The following MRPS14 variants were observed in gnomAD, a reference collection of about 807,000 sequenced individuals.
MRPS14 encodes small ribosomal subunit protein uS14m.
A neutral mutation model predicts 16.4 loss-of-function variants in MRPS14; 14 were observed. That is an observed-to-expected ratio of 0.85 (90% CI 0.56 to 1.33). MRPS14 has a LOEUF of 1.33. Among genes scored for constraint, MRPS14 ranks in the 40% most tolerant of loss-of-function variants. The pLI, the probability that MRPS14 is intolerant of heterozygous loss-of-function variation, is 0.00. For synonymous variants in MRPS14, 54 were observed against 61.9 expected (o/e 0.87, Z 0.60); for missense variants, 162 against 176.8 (o/e 0.92, Z 0.48).
In MRPS14 at chr1:175,014,947, T is replaced by C. The variant is rs970385744; in HGVS notation, c.205-96A>G. 2.7e-5 allele frequency: 35 copies of C among 1,301,192 alleles called. No individual in the cohort carries two copies. The African/African-American group carries it at 4.6e-4, about 17-fold the overall frequency. The allele number at this position is 1,301,192 out of a possible 1,614,324, so 80.6% of individuals were successfully genotyped here. A position where few individuals can be genotyped will look rare whatever the true frequency, so the allele number is the denominator to read the frequency against. The stretch of plus-strand genomic sequence containing the variant: ...CAGGTAATTTTCTTTTCTTTTTTTT[T>C]TTTTTTTGAGACAGAGTCTCGCTCT... On this transcript the variant is annotated intron_variant, in intron 2 of 2. Coordinates refer to ENST00000476371, the MANE Select transcript of MRPS14 (RefSeq NM_022100.3).
At chr1:175,019,184 G>A (rs905619376) in intron 1 of MRPS14, among the ~76,000 whole-genome samples, 1 of 152,112 alleles carries the variant, frequency 6.6e-6, no homozygotes, top group Non-Finnish European at 1.5e-5. Context: ...TTGCTGGACA[G>A]ATCTCACTAT....
chr1:175,022,381 C>T (rs964581393), intron 1 of MRPS14: 8 of 151,076 alleles, frequency 5.3e-5, no homozygotes, highest in Non-Finnish European at 1.2e-4. Flanking sequence ...AACACTGCTA[C>T]AGATTAACTG....
intron 1 of MRPS14, chr1:175,022,666 C>T (rs1673000812): frequency 6.6e-6 from 1 of 152,060 alleles, no homozygotes; most frequent in Non-Finnish European, 1.5e-5. Flanking sequence ...GGATCTTTCC[C>T]TTTCATACAC....
Position 175,019,320 on chromosome 1 carries a change from C to A in MRPS14, c.46-744G>T, listed in dbSNP as rs182171765. Among the ~76,000 whole-genome samples, 421 of 152,230 alleles carry A rather than the reference C, an allele frequency of 2.8e-3. 3 individuals carry two copies. Among genetic ancestry groups the A allele is most frequent in the African/African-American group, 9.7e-3 (404 of 41,534 alleles). ...TTTTTGAGATGGAATCTAGCTCTGT[C>A]ACCCAGGGTGGAGTGCAGTGGCGCA... On this transcript the variant is annotated intron_variant, in intron 1 of 2. Transcript: ENST00000476371.
rs1029361141 is a variant in MRPS14 at position 175,013,007 on chromosome 1, A to G, written c.*1662T>C. On this transcript the variant is annotated 3_prime_UTR_variant, in exon 3 of 3. Coordinates refer to ENST00000476371, the MANE Select transcript of MRPS14 (RefSeq NM_022100.3). ...TTTTGGAAGTACACAAAATGTTCAA[A>G]CTATAGCATGTATATATATCAAGTT... 6.6e-6 allele frequency: 1 copy of G among 152,008 alleles called. No individual in the cohort carries two copies. Among genetic ancestry groups the G allele is most frequent in the African/African-American group, 2.4e-5 (1 of 41,258 alleles). 9.4% of individuals were successfully genotyped at this position (152,008 alleles called of 1,614,324 possible).
rs139740051 is a variant in MRPS14, at chr1:175,015,435, T to C, written c.205-584A>G. On this transcript the variant is annotated intron_variant, in intron 2 of 2. Coordinates refer to ENST00000476371, the MANE Select transcript of MRPS14 (RefSeq NM_022100.3). ...TTTTGAATCACGAAAGTGAAACCTC[T>C]GGAATGATGATCAAATAGGAGGGAA... Among the ~76,000 whole-genome samples the C allele has an allele frequency of 3.9e-4, 60 of 152,286 alleles. No individual in the cohort carries two copies. In the Middle Eastern group the frequency reaches 0.01, roughly 26 times the overall value.
Position 175,014,801 on chromosome 1 carries a change from A to G in MRPS14, c.255T>C (p.Val85=), listed in dbSNP as rs894014169. The change falls in exon 3 of 3, where the codon GTT becomes GTC. Residue 85 remains valine, a synonymous_variant. Transcript: ENST00000476371. The part of the protein sequence containing the change: ...IAALPRDSCP[V]RIRNRCVMTS... The stretch of plus-strand genomic sequence containing the variant: ...TCATAACACACCGATTTCTGATTCT[A>G]ACAGGACAGCTATCCCGGGGGAGGG... 1.2e-5 allele frequency: 20 copies of G among 1,614,152 alleles called. No homozygotes were observed. Among genetic ancestry groups the G allele is most frequent in the Non-Finnish European group, 1.7e-5 (20 of 1,180,016 alleles).
chr1:175,023,334 T>C (rs754076934), intron 1 of MRPS14, 30 bp downstream of exon 1: 2 of 1,612,062 alleles, frequency 1.2e-6, no homozygotes, highest in South Asian at 1.1e-5. Context: ...CGGTGAGGGG[T>C]AGCGGTGTGG....
At position 175,013,083 on chromosome 1, in the gene MRPS14, T is replaced by TG. The variant is rs1198688207; in HGVS notation, c.*1585dup. The TG allele has an allele frequency of 1.3e-5, 2 of 152,244 alleles. No individual in the cohort carries two copies. The highest frequency in any genetic ancestry group is 2.9e-5 in the Non-Finnish European group (2 of 68,058). 9.4% of individuals were successfully genotyped at this position (152,244 alleles called of 1,614,324 possible). A position where few individuals can be genotyped will look rare whatever the true frequency, so the allele number is the denominator to read the frequency against. The stretch of plus-strand genomic sequence containing the variant: ...CTTTAGAACACAAGTGTTTGCCCAT[T>TG]GGTAGTGAGATGGATTCTAAGTTGA... On this transcript the variant is annotated 3_prime_UTR_variant, in exon 3 of 3. Coordinates refer to ENST00000476371, the MANE Select transcript of MRPS14 (RefSeq NM_022100.3).
At chr1:175,015,186 C>G (rs1228773966) in intron 2 of MRPS14, among the ~76,000 whole-genome samples, 2 of 152,006 alleles carry the variant, frequency 1.3e-5, no homozygotes, top group Non-Finnish European at 1.5e-5. Context: ...TGAGCTCTGG[C>G]AATCCGCCCA....
chr1:175,019,921 T>TA (rs1672947500), intron 1 of MRPS14, among the ~76,000 whole-genome samples: 1 of 152,134 alleles, frequency 6.6e-6, no homozygotes, highest in South Asian at 2.1e-4. Context: ...AAGAATACTA[T>TA]AAATAGAAAG....
At chr1:175,018,303 G>C in intron 2 of MRPS14, 115 bp downstream of exon 2, 1 of 1,030,380 alleles carries the variant, frequency 9.7e-7, no homozygotes, top group Non-Finnish European at 1.4e-6. Context: ...TATTGATGTG[G>C]ATCTTATTCT....
chr1:175,014,257 G>C lies in MRPS14; in HGVS notation c.*412C>G. ...AAGGGGAGCTCTGCAGGTCAGCAAAGCTAGTCCAGGATTACAAACTGCCAT... is the reference window on the plus strand; with the variant it reads ...AAGGGGAGCTCTGCAGGTCAGCAAACCTAGTCCAGGATTACAAACTGCCAT... On this transcript the variant is annotated 3_prime_UTR_variant, in exon 3 of 3. Coordinates refer to ENST00000476371, the MANE Select transcript of MRPS14 (RefSeq NM_022100.3). 3.6e-6 allele frequency: 1 copy of C among 277,816 alleles called. No individual in the cohort carries two copies. The highest frequency in any genetic ancestry group is 6.3e-5 in the East Asian group (1 of 15,972). The allele number at this position is 277,816 out of a possible 1,614,324, so 17.2% of individuals were successfully genotyped here.
In MRPS14 at chr1:175,023,384, G is replaced by C; in HGVS notation, c.25C>G (p.Leu9Val). ...CTGACCTGCTTGAACGTCCGCAGCA[G>C]CGAGCCCAGCATGAAGGCCGCCATG... MAAFMLGS[L>V]LRTFKQMVPS... Residue 9 changes from leucine (L) to valine (V), a missense_variant, in exon 1 of 3, where the codon CTG becomes GTG. Leu to Val is a conservative substitution (Grantham distance 32). Coordinates refer to ENST00000476371, the MANE Select transcript of MRPS14 (RefSeq NM_022100.3). The C allele has an allele frequency of 6.2e-7, 1 of 1,614,190 alleles. No homozygotes were observed. The highest frequency in any genetic ancestry group is 8.5e-7 in the Non-Finnish European group (1 of 1,180,036).
intron 2 of MRPS14, among the ~76,000 whole-genome samples, chr1:175,016,919 T>C (rs1250993783): frequency 6.6e-6 from 1 of 152,172 alleles, no homozygotes; most frequent in East Asian, 1.9e-4. Context: ...CAACAGGAAG[T>C]ATACCCTTTG....
At chr1:175,018,650 C>G in intron 1 of MRPS14, 74 bp from the exon 2 acceptor site, 2 of 1,306,500 alleles carry the variant, frequency 1.5e-6, no homozygotes, top group Non-Finnish European at 2.1e-6. Context: ...CCCTGCAATT[C>G]TCTTTCTGCC....
In MRPS14 at chr1:175,018,554, C is replaced by T; in HGVS notation, c.68G>A (p.Gly23Asp). Residue 23 changes from glycine (G) to aspartate (D), a missense_variant, in exon 2 of 3, where the codon GGC becomes GAC. By Grantham distance (94) the Gly-to-Asp change is moderately conservative (BLOSUM62 -1). Coordinates refer to ENST00000476371, the MANE Select transcript of MRPS14 (RefSeq NM_022100.3). ...FKQMVPSSAS[G>D]QVRSHYVDWR... ...GTCTACATAGTGACTTCGAACTTGG[C>T]CTGAAGCTGATGAAGGAACCATCTG... is the stretch of plus-strand genomic sequence containing the variant. 3.1e-6 allele frequency: 5 copies of T among 1,598,766 alleles called. No homozygotes were observed. Among genetic ancestry groups the T allele is most frequent in the East Asian group, 2.3e-5 (1 of 44,434 alleles).
At chr1:175,019,042 T>A (rs1443687822) in intron 1 of MRPS14, among the ~76,000 whole-genome samples, 1 of 152,128 alleles carries the variant, frequency 6.6e-6, no homozygotes, top group East Asian at 1.9e-4. Flanking sequence ...TCCCCTCCCA[T>A]TTTTCGTTCC....
At position 175,023,351 on chromosome 1, in the gene MRPS14, G is replaced by A. The variant is rs1312601065; in HGVS notation, c.45+13C>T. Reference sequence around the variant, plus strand: ...GTGAGGGGTAGCGGTGTGGATAAAAGTAGAGGCCTGACCTGCTTGAACGTC... The same window carrying A: ...GTGAGGGGTAGCGGTGTGGATAAAAATAGAGGCCTGACCTGCTTGAACGTC... On this transcript the variant is annotated intron_variant, in intron 1 of 2. Coordinates refer to ENST00000476371, the MANE Select transcript of MRPS14 (RefSeq NM_022100.3). 2.5e-6 allele frequency: 4 copies of A among 1,613,914 alleles called. No homozygotes were observed. The highest frequency in any genetic ancestry group is 1.7e-5 in the Admixed American group (1 of 59,976).
Sources: allele counts gnomAD v4.1 joint callset (sites outside exome capture counted in the v4.1 genomes callset), GRCh38; gene constraint gnomAD v4.1.1; transcripts MANE v1.5; gene names NCBI Gene and HGNC (gene_info 2026-07-23, HGNC 2026-07-21).